The following ZNF516 variants were observed in gnomAD, a reference collection of about 807,000 sequenced individuals.
ZNF516 encodes zinc finger protein 516.
In ZNF516, 19 loss-of-function variants were observed where a neutral mutation model predicts 79.7. The ratio of observed to expected loss-of-function variants is 0.24; its 90% CI spans 0.17 to 0.35. The LOEUF (loss-of-function observed/expected upper bound fraction) is 0.35. ZNF516 is among the 10% of genes least tolerant of loss of function. The pLI, the probability that ZNF516 is intolerant of heterozygous loss-of-function variation, is 1.00. For synonymous variants in ZNF516, 877 were observed against 739.5 expected (o/e 1.19, Z -3.02); for missense variants, 1,678 against 1,679.5 (o/e 1.00, Z 0.02).
Position 76,379,572 on chromosome 18 carries a change from T to G in ZNF516, c.2542A>C (p.Lys848Gln). 6.2e-7 allele frequency: 1 copy of G among 1,613,660 alleles called. No homozygotes were observed. The highest frequency in any genetic ancestry group is 1.3e-5 in the African/African-American group (1 of 75,076). The change falls in exon 4 of 7, where the codon AAA (lysine) becomes CAA (glutamine). Residue 848 changes from lysine to glutamine, a missense_variant. This residue lies in a region of ZNF516 where 1,294 missense variants were observed against 1,248.3 expected (regional missense o/e 1.04). Transcript: ENST00000443185. Reference protein sequence around the residue: ...TQVPGGMPGSKSGSSPLGVVT... With the variant: ...TQVPGGMPGSQSGSSPLGVVT... ...ACTCCCAGGGGAGAAGAGCCACTTT[T>G]GGACCCCGGCATCCCCCCTGGCACC...
At chr18:76,400,218 A>G (rs1404834282) in intron 3 of ZNF516, among the ~76,000 whole-genome samples, 1 of 151,944 alleles carries the variant, frequency 6.6e-6, no homozygotes, top group African/African-American at 2.4e-5. Flanking sequence ...GAAAAAGACA[A>G]CCCCCAGGTC....
intron 3 of ZNF516, among the ~76,000 whole-genome samples, chr18:76,424,614 C>CAT (rs1568279990): frequency 1.6e-5 from 2 of 125,560 alleles, no homozygotes; most frequent in Non-Finnish European, 3.3e-5. Flanking sequence ...CCGAAACACA[C>CAT]GCAGGTGAAA....
At chr18:76,371,702 C>A (rs746337099) in intron 4 of ZNF516, 131 bp from the exon 5 acceptor site, 5 of 693,330 alleles carry the variant, frequency 7.2e-6, no homozygotes, top group Non-Finnish European at 1.2e-5. Context: ...TGTGAGGCTC[C>A]CTTCAGGCCC....
At chr18:76,439,762 G>GA (rs1056642725) in intron 3 of ZNF516, among the ~76,000 whole-genome samples, 18 of 151,354 alleles carry the variant, frequency 1.2e-4, no homozygotes, top group Non-Finnish European at 2.1e-4. Context: ...AAAGTGAAAA[G>GA]AAAAAAAACC....
chr18:76,439,269 G>A (rs183184565), intron 3 of ZNF516, among the ~76,000 whole-genome samples: 1 of 152,202 alleles, frequency 6.6e-6, no homozygotes, highest in East Asian at 1.9e-4. Context: ...AAAGGCAGCT[G>A]TTGTGAGTGA....
rs190147651 is a variant in ZNF516, at chr18:76,441,296, C to T, written c.1759G>A (p.Asp587Asn). The T allele has an allele frequency of 2.1e-4, 333 of 1,611,246 alleles. 5 individuals carry two copies. In the Middle Eastern group the frequency reaches 5.5e-3, roughly 26 times the overall value. ...AADSPGSGLADEAAEDSGEEG... is the reference protein window; with the variant it reads ...AADSPGSGLANEAAEDSGEEG... ...TCACCACTGTCTTCGGCAGCCTCGT[C>T]GGCCAGGCCAGAGCCCGGGGAGTCA... The change falls in exon 3 of 7, where the codon GAC becomes AAC. Residue 587 changes from aspartate (D) to asparagine (N), a missense_variant. Physicochemically the swap from Asp to Asn is conservative, Grantham distance 23. Around this residue, in one of 5 missense-constraint regions of ZNF516, gnomAD observed 1,294 missense variants for 1,248.3 expected, o/e 1.04. Transcript: ENST00000443185.
chr18:76,421,202 T>A (rs2075502135), intron 3 of ZNF516, among the ~76,000 whole-genome samples: 1 of 152,222 alleles, frequency 6.6e-6, no homozygotes, highest in Admixed American at 6.5e-5. Flanking sequence ...TAGGAAGTCA[T>A]TCTGCGTTTA....
chr18:76,462,490 C>G lies in ZNF516; in HGVS notation c.-158+538G>C, dbSNP rs1299113156. Among the ~76,000 whole-genome samples, 11 of 152,330 alleles carry G rather than the reference C, an allele frequency of 7.2e-5. 1 individual carries two copies. In the South Asian group the frequency reaches 2.3e-3, roughly 32 times the overall value. On this transcript the variant is annotated intron_variant, in intron 2 of 6. Transcript: ENST00000443185. Reference sequence around the variant, plus strand: ...TCATTAAAGACCTGCCTGGTAACAACCGAAACCTGCCCCCGTGCGGACGCA... The same window carrying G: ...TCATTAAAGACCTGCCTGGTAACAAGCGAAACCTGCCCCCGTGCGGACGCA...
chr18:76,419,973 G>A (rs543548385), intron 3 of ZNF516, among the ~76,000 whole-genome samples: 31 of 152,378 alleles, frequency 2.0e-4, no homozygotes, highest in Admixed American at 2.0e-3. Flanking sequence ...TGTGGAGCGA[G>A]AGGCAGCCCT....
intron 3 of ZNF516, among the ~76,000 whole-genome samples, chr18:76,416,842 C>T (rs1244860831): frequency 6.6e-6 from 1 of 152,116 alleles, no homozygotes; most frequent in Non-Finnish European, 1.5e-5. Flanking sequence ...ACATATCCTT[C>T]TTTCATTTCT....
chr18:76,454,911 T>G (rs1205451114), intron 2 of ZNF516, among the ~76,000 whole-genome samples: 1 of 152,198 alleles, frequency 6.6e-6, no homozygotes, highest in Non-Finnish European at 1.5e-5. Flanking sequence ...GGTGGGCACA[T>G]TTTTCTAAGC....
intron 3 of ZNF516, chr18:76,388,256 G>A (rs2075021356): frequency 1.3e-5 from 2 of 152,182 alleles, no homozygotes; most frequent in South Asian, 4.1e-4. Context: ...AAGATGGCAG[G>A]GTGTAAAAGG....
chr18:76,478,598 G>A (rs936758114), intron 1 of ZNF516, among the ~76,000 whole-genome samples: 1 of 152,212 alleles, frequency 6.6e-6, no homozygotes, highest in East Asian at 1.9e-4. Flanking sequence ...ATTATTAGAT[G>A]ACATAGAGAA....
At chr18:76,380,362 C>CACA (rs770404662) in intron 3 of ZNF516, 59 bp from the exon 4 acceptor site, 1,508 of 1,574,192 alleles carry the variant, frequency 9.6e-4, no homozygotes, top group Non-Finnish European at 1.2e-3. Flanking sequence ...CACAGCAAGA[C>CACA]ACACGGTGCG....
intron 1 of ZNF516, among the ~76,000 whole-genome samples, chr18:76,482,384 A>C (rs1276322026): frequency 6.6e-6 from 1 of 152,180 alleles, no homozygotes; most frequent in African/African-American, 2.4e-5. Context: ...CACTTTTTCA[A>C]CTTTACCAGG....
At chr18:76,481,817 A>G (rs1914539112) in intron 1 of ZNF516, among the ~76,000 whole-genome samples, 1 of 152,244 alleles carries the variant, frequency 6.6e-6, no homozygotes, top group South Asian at 2.1e-4. Flanking sequence ...ATAAGTCATT[A>G]GTAATGAAAA....
chr18:76,479,965 T>A (rs1342730272), intron 1 of ZNF516, among the ~76,000 whole-genome samples: 1 of 151,924 alleles, frequency 6.6e-6, no homozygotes, highest in Non-Finnish European at 1.5e-5. Flanking sequence ...AGTGTCCTGG[T>A]TTGAAAACAA....
intron 1 of ZNF516, among the ~76,000 whole-genome samples, chr18:76,475,319 T>C (rs1359523778): frequency 6.6e-6 from 1 of 152,214 alleles, no homozygotes; most frequent in Non-Finnish European, 1.5e-5. Flanking sequence ...GCAATGGTAT[T>C]TTCCTCTATT....
At chr18:76,368,613 A>C (rs116049518) in intron 6 of ZNF516, among the ~76,000 whole-genome samples, 1,556 of 152,304 alleles carry the variant, frequency 0.01, 26 homozygotes, top group African/African-American at 0.036. Context: ...AGTTACTGTA[A>C]ACTTGAAACT....
Sources: gnomAD v4.1 joint callset for allele counts (sites outside exome capture counted in the v4.1 genomes callset) on GRCh38, gnomAD v4.1.1 for gene constraint, gnomAD v4.1.1 regional missense constraint, MANE v1.5 for transcripts, NCBI Gene and HGNC (gene_info 2026-07-23, HGNC 2026-07-21) for gene names.